The following RBM27 variants were observed in gnomAD, a reference collection of about 807,000 sequenced individuals.
RBM27 encodes RNA-binding protein 27.
In RBM27, 22 loss-of-function variants were observed where a neutral mutation model predicts 135.3. The observed-to-expected ratio is 0.16, with a 90% CI of 0.12 to 0.23. RBM27 has a LOEUF of 0.23. Ranked by LOEUF, RBM27 falls within the 10% of genes least tolerant of loss-of-function variation. The pLI is 1.00. For synonymous variants in RBM27, 481 were observed against 442.4 expected, an observed-to-expected ratio of 1.09 and a Z score of -1.10; for missense variants, 1,009 against 1,281.0, an observed-to-expected ratio of 0.79 and a Z score of 3.24.
At chr5:146,222,103 C>T (rs920105849) in intron 2 of RBM27, among the ~76,000 whole-genome samples, 2 of 151,998 alleles carry the variant, frequency 1.3e-5, no homozygotes, top group African/African-American at 4.8e-5. Context: ...TGAAAGTATT[C>T]TGATTATAGA....
intron 15 of RBM27, among the ~76,000 whole-genome samples, chr5:146,268,264 C>T (rs1282961930): frequency 7.0e-6 from 1 of 143,490 alleles, no homozygotes; most frequent in Admixed American, 7.3e-5. Flanking sequence ...TTTTTTGAGA[C>T]GGAGTTTTGC....
intron 14 of RBM27, among the ~76,000 whole-genome samples, chr5:146,266,202 AC>A: frequency 6.6e-6 from 1 of 152,224 alleles, no homozygotes; most frequent in East Asian, 1.9e-4. Flanking sequence ...CTCTAGATCT[AC>A]CCACTAATTT....
Position 146,286,024 on chromosome 5 carries a change from A to G in RBM27, c.3177A>G (p.Arg1059=), listed in dbSNP as rs1561575183. ...ATGAATATGAGTCTCGCTCATGGCGAAGATGAAATCTGATGCTAGCTGTAT... is the reference window on the plus strand; with the variant it reads ...ATGAATATGAGTCTCGCTCATGGCGGAGATGAAATCTGATGCTAGCTGTAT... ...DEDEYESRSW[R]R Residue 1059 remains arginine (R), a synonymous_variant, in exon 21 of 21, where the codon CGA becomes CGG. Transcript: ENST00000265271. 6.2e-7 allele frequency: 1 copy of G among 1,604,606 alleles called. No individual in the cohort carries two copies. Among genetic ancestry groups the G allele is most frequent in the African/African-American group, 1.3e-5 (1 of 74,506 alleles).
rs755919518 is a variant in RBM27, at chr5:146,237,452, C to G, written c.1279+20C>G. Reference sequence around the variant, plus strand: ...CAGAACGTAAGTACATGTTGTTTGACTTAAAATTGACAGGGTATAGAAAAG... The same window carrying G: ...CAGAACGTAAGTACATGTTGTTTGAGTTAAAATTGACAGGGTATAGAAAAG... On this transcript the variant is annotated intron_variant, in intron 8 of 20. Transcript: ENST00000265271. The G allele has an allele frequency of 6.2e-7, 1 of 1,612,882 alleles. No homozygotes were observed. The highest frequency in any genetic ancestry group is 8.5e-7 in the Non-Finnish European group (1 of 1,178,970).
intron 7 of RBM27, among the ~76,000 whole-genome samples, chr5:146,234,388 C>G (rs981401267): frequency 6.6e-6 from 1 of 151,994 alleles, no homozygotes; most frequent in Admixed American, 6.6e-5. Flanking sequence ...CATATTTTCC[C>G]TTCTCTCCCA....
At position 146,287,105 on chromosome 5, in the gene RBM27, A is replaced by G. The variant is rs1213513795; in HGVS notation, c.*1075A>G. 1 of 114,734 alleles carries G rather than the reference A, an allele frequency of 8.7e-6. No homozygotes were observed. The highest frequency in any genetic ancestry group is 3.0e-4 in the East Asian group (1 of 3,344). The allele number at this position is 114,734 out of a possible 1,614,324, so 7.1% of individuals were successfully genotyped here. On this transcript the variant is annotated 3_prime_UTR_variant, in exon 21 of 21. Transcript: ENST00000265271. ...GAAATTCTTTTCCTAAATTTAAACC[A>G]TGATGGTGAGGTGACTGGGGGGTGG...
chr5:146,274,204 C>T (rs1758990024), intron 19 of RBM27, among the ~76,000 whole-genome samples: 1 of 149,720 alleles, frequency 6.7e-6, no homozygotes, highest in Non-Finnish European at 1.5e-5. Flanking sequence ...TTCCATACTT[C>T]CTGAGGAACA....
intron 19 of RBM27, among the ~76,000 whole-genome samples, chr5:146,281,470 C>T (rs1480963439): frequency 6.6e-6 from 1 of 152,186 alleles, no homozygotes; most frequent in Non-Finnish European, 1.5e-5. Flanking sequence ...AATCTTTTGG[C>T]TTCCCTGGAC....
intron 1 of RBM27, among the ~76,000 whole-genome samples, chr5:146,218,397 T>C (rs1040002301): frequency 3.3e-5 from 5 of 152,220 alleles, no homozygotes; most frequent in Non-Finnish European, 7.3e-5. Flanking sequence ...CTCCTAGATC[T>C]TTTCTTTCTT....
intron 11 of RBM27, among the ~76,000 whole-genome samples, chr5:146,259,846 G>T (rs372253861): frequency 4.7e-5 from 7 of 150,508 alleles, no homozygotes; most frequent in East Asian, 1.9e-4. Flanking sequence ...AGTGGCGGGC[G>T]CCTGTAGTCC....
chr5:146,253,629 A>C (rs1423278381), intron 9 of RBM27, among the ~76,000 whole-genome samples: 1 of 152,114 alleles, frequency 6.6e-6, no homozygotes, highest in Non-Finnish European at 1.5e-5. Flanking sequence ...CTTATATTAG[A>C]TATCTCAGAA....
At chr5:146,262,759 T>C (rs1758452331) in intron 13 of RBM27, among the ~76,000 whole-genome samples, 1 of 152,234 alleles carries the variant, frequency 6.6e-6, no homozygotes. Flanking sequence ...ATCACCTTCA[T>C]GGTGATGATT....
At chr5:146,236,336 G>A (rs1757157726) in intron 7 of RBM27, among the ~76,000 whole-genome samples, 3 of 152,092 alleles carry the variant, frequency 2.0e-5, no homozygotes, top group Admixed American at 6.5e-5. Flanking sequence ...TGCAGACATC[G>A]TACACTTAAG....
At chr5:146,237,243 C>A in intron 7 of RBM27, 55 bp from the exon 8 acceptor site, 2 of 1,604,570 alleles carry the variant, frequency 1.2e-6, no homozygotes, top group Non-Finnish European at 1.7e-6. Flanking sequence ...TGGCCTGATA[C>A]TTTTATTAGG....
chr5:146,269,348 C>A, intron 16 of RBM27, 67 bp downstream of exon 16: 1 of 1,476,216 alleles, frequency 6.8e-7, no homozygotes, highest in Non-Finnish European at 9.2e-7. Context: ...AAGTATTATT[C>A]ATAATTTTTA....
intron 19 of RBM27, among the ~76,000 whole-genome samples, chr5:146,277,211 A>C (rs752334330): frequency 2.6e-5 from 4 of 152,208 alleles, no homozygotes; most frequent in Non-Finnish European, 4.4e-5. Flanking sequence ...AGAAGGCACA[A>C]CAAATTTGAA....
In RBM27 at chr5:146,230,734, C is replaced by T; in HGVS notation, c.667C>T (p.Pro223Ser). The T allele has an allele frequency of 6.2e-7, 1 of 1,613,996 alleles. No individual in the cohort carries two copies. Among genetic ancestry groups the T allele is most frequent in the Non-Finnish European group, 8.5e-7 (1 of 1,179,860 alleles). The change falls in exon 6 of 21, where the codon CCA becomes TCA. Residue 223 changes from proline (P) to serine (S), a missense_variant. Transcript: ENST00000265271. ...SSYVPVSAPPPNSSEQYSSGA... is the reference protein window; with the variant it reads ...SSYVPVSAPPSNSSEQYSSGA... Reference sequence around the variant, plus strand: ...CTATGTGCCTGTGTCTGCACCACCTCCAAACTCTTCTGAGCAGTATTCCTC... The same window carrying T: ...CTATGTGCCTGTGTCTGCACCACCTTCAAACTCTTCTGAGCAGTATTCCTC...
intron 8 of RBM27, among the ~76,000 whole-genome samples, chr5:146,238,099 G>A (rs1023400056): frequency 6.6e-6 from 1 of 152,152 alleles, no homozygotes; most frequent in East Asian, 1.9e-4. Flanking sequence ...ATACAAAAGA[G>A]CGGGTTAATT....
Position 146,269,474 on chromosome 5 carries a change from A to G in RBM27, c.2581A>G (p.Asn861Asp), listed in dbSNP as rs754488877. ...NKNMKPEERA[N>D]IMKTLKELGE... ...AAACATGAAACCAGAAGAAAGAGCA[A>G]ATATAATGAAGACTTTGAAAGAGCT... The change falls in exon 17 of 21, where the codon AAT (asparagine) becomes GAT (aspartate). Residue 861 changes from asparagine to aspartate, a missense_variant. By Grantham distance (23) the Asn-to-Asp change is conservative (BLOSUM62 1). Transcript: ENST00000265271. 1 of 1,576,444 alleles carries G rather than the reference A, an allele frequency of 6.3e-7. No individual in the cohort carries two copies. The highest frequency in any genetic ancestry group is 8.6e-7 in the Non-Finnish European group (1 of 1,164,622).
Sources: allele counts gnomAD v4.1 joint callset (sites outside exome capture counted in the v4.1 genomes callset), GRCh38; gene constraint gnomAD v4.1.1; transcripts MANE v1.5; gene names NCBI Gene and HGNC (gene_info 2026-07-23, HGNC 2026-07-21).